The following LRRC37A3 variants were observed in gnomAD, a reference collection of about 807,000 sequenced individuals.
LRRC37A3 encodes the protein leucine-rich repeat-containing protein 37A3.
LRRC37A3 carries 25 observed loss-of-function variants against 106.2 expected under a neutral mutation model. The ratio of observed to expected loss-of-function variants is 0.24; its 90% CI spans 0.17 to 0.33. The LOEUF (loss-of-function observed/expected upper bound fraction) is 0.33, where lower values mean the gene tolerates loss of function less well. Among genes scored for constraint, LRRC37A3 ranks in the 10% least tolerant of loss-of-function variants. The probability of loss-of-function intolerance (pLI) is 1.00; values close to 1 mark genes in which losing one functional copy is unlikely to be tolerated. For missense variants in LRRC37A3, 712 were observed against 1,644.9 expected (o/e 0.43, Z 9.81); for synonymous variants, 305 against 635.8 (o/e 0.48, Z 7.83).
At chr17:64,890,707 C>T (rs1371767679) in intron 5 of LRRC37A3, among the ~76,000 whole-genome samples, 3 of 146,080 alleles carry the variant, frequency 2.1e-5, no homozygotes, top group Non-Finnish European at 2.9e-5. Flanking sequence ...TGGAGGGCAC[C>T]TGTAATTCCA....
intron 6 of LRRC37A3, among the ~76,000 whole-genome samples, chr17:64,887,230 C>T (rs1973860123): frequency 1.3e-4 from 1 of 7,802 alleles, no homozygotes; most frequent in Non-Finnish European, 2.4e-4. Flanking sequence ...AATAGTCGGG[C>T]CGGGTGCGGT....
chr17:64,876,671 A>G (rs939926895), intron 8 of LRRC37A3, among the ~76,000 whole-genome samples: 2 of 152,100 alleles, frequency 1.3e-5, no homozygotes, highest in African/African-American at 4.8e-5. Flanking sequence ...CTGACTTGAG[A>G]AAAAAACAGA....
intron 13 of LRRC37A3, among the ~76,000 whole-genome samples, chr17:64,857,793 C>T (rs1972729943): frequency 6.6e-6 from 1 of 152,132 alleles, no homozygotes; most frequent in African/African-American, 2.4e-5. Flanking sequence ...TGGACAAACA[C>T]ACAGACAAAA....
chr17:64,880,088 T>A (rs1452252342), intron 8 of LRRC37A3, among the ~76,000 whole-genome samples: 1 of 151,748 alleles, frequency 6.6e-6, no homozygotes, highest in Non-Finnish European at 1.5e-5. Context: ...GACATTAGGA[T>A]CTTTGCATTT....
chr17:64,874,600 C>G (rs894913819), intron 8 of LRRC37A3, among the ~76,000 whole-genome samples: 2 of 152,214 alleles, frequency 1.3e-5, no homozygotes, highest in Non-Finnish European at 2.9e-5. Flanking sequence ...GGAGGTGTAC[C>G]CAACAGCTCA....
intron 8 of LRRC37A3, among the ~76,000 whole-genome samples, chr17:64,884,404 C>A (rs1197976293): frequency 6.6e-6 from 1 of 151,622 alleles, no homozygotes; most frequent in Non-Finnish European, 1.5e-5. Flanking sequence ...CTCACTCTGT[C>A]CCTCAGGCTG....
chr17:64,864,395 G>T (rs1189867161), intron 10 of LRRC37A3, among the ~76,000 whole-genome samples: 1 of 152,182 alleles, frequency 6.6e-6, no homozygotes, highest in Non-Finnish European at 1.5e-5. Context: ...TAAAGGAAAT[G>T]AAGACATGAC....
At chr17:64,912,775 T>C (rs1345003707) in intron 2 of LRRC37A3, among the ~76,000 whole-genome samples, 4 of 69,514 alleles carry the variant, frequency 5.8e-5, no homozygotes, top group Non-Finnish European at 1.4e-4. Flanking sequence ...TGGCCAAGTA[T>C]GGTGGCTCAC....
At chr17:64,864,934 A>G (rs1185143568) in intron 10 of LRRC37A3, among the ~76,000 whole-genome samples, 5 of 152,170 alleles carry the variant, frequency 3.3e-5, no homozygotes, top group African/African-American at 4.8e-5. Context: ...CAAGAAGTCT[A>G]TGAGTTGGGG....
Position 64,907,676 on chromosome 17 carries a change from TG to T in LRRC37A3, c.-495-9218del, listed in dbSNP as rs1446107007. The stretch of plus-strand genomic sequence containing the variant: ...AAAGGACCCTTAAACTAGATAACAG[TG>T]GGGGTCAAGCAGTAACCCAAGGCTC... On this transcript the variant is annotated intron_variant, in intron 2 of 14. Transcript: ENST00000584306. Among the ~76,000 whole-genome samples the T allele has an allele frequency of 2.0e-5, 3 of 151,668 alleles. No individual in the cohort carries two copies. The South Asian group carries it at 6.3e-4, about 32-fold the overall frequency.
intron 10 of LRRC37A3, among the ~76,000 whole-genome samples, chr17:64,864,559 T>C (rs1255726865): frequency 6.6e-6 from 1 of 151,932 alleles, no homozygotes; most frequent in Non-Finnish European, 1.5e-5. Context: ...TTCAGAGAGA[T>C]AAAAACAATC....
chr17:64,868,734 T>C (rs532470468), intron 9 of LRRC37A3, among the ~76,000 whole-genome samples, 198 bp from the exon 10 acceptor site: 1 of 148,222 alleles, frequency 6.7e-6, no homozygotes, highest in Admixed American at 6.7e-5. Flanking sequence ...AACTTACACT[T>C]TTTTTTTTTA....
intron 8 of LRRC37A3, among the ~76,000 whole-genome samples, chr17:64,880,625 T>G (rs1003238602): frequency 3.9e-5 from 6 of 152,236 alleles, no homozygotes; most frequent in Non-Finnish European, 8.8e-5. Context: ...AGTAAAAGTT[T>G]AAGAAGTACT....
At chr17:64,879,322 TG>T (rs1446432404) in intron 8 of LRRC37A3, among the ~76,000 whole-genome samples, 3 of 151,786 alleles carry the variant, frequency 2.0e-5, no homozygotes, top group Non-Finnish European at 4.4e-5. Context: ...ACTGCGTTGA[TG>T]GTATGTGGAT....
At chr17:64,862,465 A>T (rs959744237) in intron 11 of LRRC37A3, among the ~76,000 whole-genome samples, 1 of 151,738 alleles carries the variant, frequency 6.6e-6, no homozygotes, top group African/African-American at 2.4e-5. Context: ...CTCTTATAAA[A>T]CTGTAAAAAC....
chr17:64,857,617 A>G (rs1297018780), intron 13 of LRRC37A3, among the ~76,000 whole-genome samples: 2 of 152,104 alleles, frequency 1.3e-5, no homozygotes, highest in African/African-American at 4.8e-5. Context: ...CAGCCTCTGA[A>G]GTCTCTCATA....
intron 2 of LRRC37A3, among the ~76,000 whole-genome samples, chr17:64,917,784 T>C (rs1974739397): frequency 6.6e-6 from 1 of 151,466 alleles, no homozygotes; most frequent in South Asian, 2.1e-4. Flanking sequence ...CTGGCCAACA[T>C]GGTGAAACCC....
At chr17:64,858,466 G>A (rs1263532139) in intron 13 of LRRC37A3, among the ~76,000 whole-genome samples, 6 of 152,182 alleles carry the variant, frequency 3.9e-5, no homozygotes, top group African/African-American at 1.4e-4. Flanking sequence ...CAGAGTAAGG[G>A]TGACTTGGTG....
intron 2 of LRRC37A3, among the ~76,000 whole-genome samples, chr17:64,913,230 T>C (rs1974629139): frequency 6.6e-6 from 1 of 152,088 alleles, no homozygotes; most frequent in East Asian, 1.9e-4. Context: ...GGTTTCACCA[T>C]CTTAGCCAGG....
Sources: gnomAD v4.1 joint callset for allele counts (sites outside exome capture counted in the v4.1 genomes callset) on GRCh38, gnomAD v4.1.1 for gene constraint, MANE v1.5 for transcripts, NCBI Gene and HGNC (gene_info 2026-07-23, HGNC 2026-07-21) for gene names.